DLGAP2: variants seen among roughly 807,000 people sequenced by gnomAD.
DLGAP2 encodes the protein disks large-associated protein 2.
Under a neutral mutation model 100.3 loss-of-function variants are expected in DLGAP2, and 26 were observed. The ratio of observed to expected loss-of-function variants is 0.26; its 90% CI spans 0.19 to 0.36. The LOEUF (loss-of-function observed/expected upper bound fraction) is 0.36, where lower values mean the gene tolerates loss of function less well. DLGAP2 is among the 10% of genes least tolerant of loss of function. The probability of loss-of-function intolerance (pLI) is 1.00; values close to 1 mark genes in which losing one functional copy is unlikely to be tolerated. For missense variants in DLGAP2, 1,858 were observed against 1,453.2 expected (o/e 1.28, Z -4.53); for synonymous variants, 886 against 630.1 (o/e 1.41, Z -6.08).
At chr8:887,282 G>C (rs1797941848) in intron 1 of DLGAP2, among the ~76,000 whole-genome samples, 1 of 151,938 alleles carries the variant, frequency 6.6e-6, no homozygotes, top group Non-Finnish European at 1.5e-5. Context: ...TGTAAGATGG[G>C]TCTCCTGAAT....
At chr8:1,389,239 G>A (rs77774333) in intron 3 of DLGAP2, among the ~76,000 whole-genome samples, 1 of 148,258 alleles carries the variant, frequency 6.7e-6, no homozygotes, top group African/African-American at 2.6e-5. Context: ...TACTCTGGAG[G>A]AGGAGGATTG....
chr8:1,697,104 C>T, intron 13 of DLGAP2, 43 bp from the exon 14 acceptor site: 1 of 1,487,176 alleles, frequency 6.7e-7, no homozygotes, highest in Non-Finnish European at 8.9e-7. Flanking sequence ...CCTGTGCCCG[C>T]AGGAGACTCT....
intron 3 of DLGAP2, among the ~76,000 whole-genome samples, chr8:1,312,985 C>A (rs1800647499): frequency 6.6e-6 from 1 of 152,206 alleles, no homozygotes; most frequent in African/African-American, 2.4e-5. Context: ...TTAAAAGTAG[C>A]AAGATGCAGA....
chr8:966,883 A>G (rs893695096), intron 2 of DLGAP2, among the ~76,000 whole-genome samples: 1 of 152,222 alleles, frequency 6.6e-6, no homozygotes, highest in African/African-American at 2.4e-5. Flanking sequence ...TTTTCTCACA[A>G]ATTGATCCTG....
chr8:846,960 T>C (rs1465096215), intron 1 of DLGAP2, among the ~76,000 whole-genome samples: 1 of 152,206 alleles, frequency 6.6e-6, no homozygotes, highest in Non-Finnish European at 1.5e-5. Flanking sequence ...CTCCTGTTTT[T>C]CTTGTTAGGG....
intron 3 of DLGAP2, among the ~76,000 whole-genome samples, chr8:1,363,838 G>T (rs1802041361): frequency 6.6e-6 from 1 of 152,146 alleles, no homozygotes; most frequent in African/African-American, 2.4e-5. Context: ...GCCCGTGGCA[G>T]GCCTGGCCTT....
chr8:1,429,137 G>C (rs956472475), intron 3 of DLGAP2, among the ~76,000 whole-genome samples: 2 of 152,180 alleles, frequency 1.3e-5, no homozygotes, highest in African/African-American at 2.4e-5. Flanking sequence ...TGTTGGATTA[G>C]TTTGAAAAAT....
chr8:1,304,450 G>A (rs1034817788), intron 3 of DLGAP2, among the ~76,000 whole-genome samples: 1 of 152,208 alleles, frequency 6.6e-6, no homozygotes, highest in African/African-American at 2.4e-5. Flanking sequence ...CAACCCACAT[G>A]TACCAAAAAC....
chr8:931,234 C>T (rs1010398213), intron 2 of DLGAP2, among the ~76,000 whole-genome samples: 1 of 152,110 alleles, frequency 6.6e-6, no homozygotes, highest in Non-Finnish European at 1.5e-5. Flanking sequence ...TGAGGAGCAG[C>T]GTGTGCAGCT....
intron 2 of DLGAP2, among the ~76,000 whole-genome samples, chr8:1,148,086 C>T (rs1477474045): frequency 6.6e-6 from 1 of 152,162 alleles, no homozygotes; most frequent in Non-Finnish European, 1.5e-5. Context: ...GAGAAGCCAT[C>T]TACTTCTGGT....
chr8:1,495,168 T>C (rs1384811406), intron 3 of DLGAP2, among the ~76,000 whole-genome samples: 32 of 152,066 alleles, frequency 2.1e-4, no homozygotes, highest in Admixed American at 2.1e-3. Flanking sequence ...GTCCTGTGGG[T>C]TCATCGTGTC....
intron 2 of DLGAP2, among the ~76,000 whole-genome samples, chr8:1,077,973 C>G (rs78676790): frequency 6.6e-6 from 1 of 152,184 alleles, no homozygotes; most frequent in South Asian, 2.1e-4. Context: ...GTGTCATCCA[C>G]GCCATGTCCT....
chr8:1,593,758 G>T (rs1257768866), intron 6 of DLGAP2, among the ~76,000 whole-genome samples: 1 of 152,188 alleles, frequency 6.6e-6, no homozygotes, highest in East Asian at 1.9e-4. Context: ...CACTCTGGTT[G>T]CCTGGGGGAG....
intron 2 of DLGAP2, among the ~76,000 whole-genome samples, chr8:1,022,944 A>T (rs1374015594): frequency 6.6e-6 from 1 of 152,230 alleles, no homozygotes; most frequent in Non-Finnish European, 1.5e-5. Flanking sequence ...TCTTGATCTG[A>T]ATCTTAGAGG....
chr8:873,903 G>T (rs527669690), intron 1 of DLGAP2, among the ~76,000 whole-genome samples: 2 of 152,214 alleles, frequency 1.3e-5, no homozygotes, highest in African/African-American at 4.8e-5. Flanking sequence ...CTCTCGAGAC[G>T]TCTGTTTAGA....
chr8:1,557,403 C>T (rs1802001966), intron 5 of DLGAP2, among the ~76,000 whole-genome samples: 1 of 152,112 alleles, frequency 6.6e-6, no homozygotes, highest in Admixed American at 6.5e-5. Context: ...CCACGGGTGT[C>T]CTCTCAACAA....
At chr8:1,427,212 C>G (rs553895029) in intron 3 of DLGAP2, among the ~76,000 whole-genome samples, 2 of 152,198 alleles carry the variant, frequency 1.3e-5, no homozygotes, top group East Asian at 1.9e-4. Context: ...AATTGACAAA[C>G]CTACAATTAT....
At chr8:937,766 T>C (rs1435127643) in intron 2 of DLGAP2, among the ~76,000 whole-genome samples, 2 of 152,218 alleles carry the variant, frequency 1.3e-5, no homozygotes, top group Admixed American at 1.3e-4. Context: ...GTCTGTGCCC[T>C]GTGTCCTAAG....
At chr8:1,260,824 C>T (rs951696780) in intron 3 of DLGAP2, among the ~76,000 whole-genome samples, 1 of 152,196 alleles carries the variant, frequency 6.6e-6, no homozygotes, top group Non-Finnish European at 1.5e-5. Context: ...TGTAGTCGTC[C>T]AGAGCATGGG....
Sources: allele counts gnomAD v4.1 joint callset (sites outside exome capture counted in the v4.1 genomes callset), GRCh38; gene constraint gnomAD v4.1.1; transcripts MANE v1.5; gene names NCBI Gene and HGNC (gene_info 2026-07-23, HGNC 2026-07-21).